Variants in LPAR1 observed in about 807,000 individuals in gnomAD.
The protein encoded by LPAR1 is lysophosphatidic acid receptor 1.
In LPAR1, 5 loss-of-function variants were observed where a neutral mutation model predicts 23.8. The observed-to-expected ratio is 0.21, with a 90% CI of 0.11 to 0.44. The LOEUF (loss-of-function observed/expected upper bound fraction) is 0.44, where lower values mean the gene tolerates loss of function less well. Ranked by LOEUF, LPAR1 falls within the 20% of genes least tolerant of loss-of-function variation. The pLI is 0.99. For synonymous variants in LPAR1, 160 were observed against 164.7 expected, an observed-to-expected ratio of 0.97 and a Z score of 0.22; for missense variants, 311 against 482.8, an observed-to-expected ratio of 0.64 and a Z score of 3.33.
At chr9:110,955,182 C>T (rs1375474130) in intron 4 of LPAR1, among the ~76,000 whole-genome samples, 1 of 152,086 alleles carries the variant, frequency 6.6e-6, no homozygotes, top group South Asian at 2.1e-4. Context: ...ATACTGTTAC[C>T]CACAAGAAAC....
rs1056315689 is a variant in LPAR1 at position 110,892,044 on chromosome 9, C to T, written c.794-16322G>A. On this transcript the variant is annotated intron_variant, in intron 5 of 5. Coordinates refer to ENST00000683809, the MANE Select transcript of LPAR1 (RefSeq NM_001351411.2). ...TCAGCCATTCTACTCAATATTTATC[C>T]AAGAGAAAGGAAAGAATATGTCCAC... 3.9e-4 allele frequency among the ~76,000 whole-genome samples: 59 copies of T among 152,048 alleles called. 1 individual carries two copies. The highest frequency in any genetic ancestry group is 7.2e-4 in the Non-Finnish European group (49 of 67,996).
intron 5 of LPAR1, among the ~76,000 whole-genome samples, chr9:110,886,251 C>A (rs2082346803): frequency 6.6e-6 from 1 of 151,100 alleles, no homozygotes. Context: ...GTAATCCCAG[C>A]CACTCAGGAG....
In LPAR1 at chr9:110,993,784, A is replaced by T. The variant is rs2096942561; in HGVS notation, c.-181-20226T>A. ...CCTTGGAGATATGCCTGTTCCTCAG[A>T]TTAGGGAAATACATGATGCCTTGGT... is the stretch of plus-strand genomic sequence containing the variant. On this transcript the variant is annotated intron_variant, in intron 2 of 5. Coordinates refer to ENST00000683809, the MANE Select transcript of LPAR1 (RefSeq NM_001351411.2). Among the ~76,000 whole-genome samples the T allele has an allele frequency of 3.3e-5, 5 of 152,200 alleles. No homozygotes were observed. The South Asian group carries it at 1.0e-3, about 31-fold the overall frequency.
intron 2 of LPAR1, among the ~76,000 whole-genome samples, chr9:111,012,558 T>C (rs2097353948): frequency 6.6e-6 from 1 of 152,048 alleles, no homozygotes; most frequent in South Asian, 2.1e-4. Flanking sequence ...TCTCAGTTGA[T>C]GGTAAAGCTA....
At chr9:110,982,625 T>C (rs1013820848) in intron 2 of LPAR1, among the ~76,000 whole-genome samples, 28 of 151,526 alleles carry the variant, frequency 1.8e-4, no homozygotes, top group African/African-American at 6.5e-4. Context: ...TAAAGTATAA[T>C]AATAAAAAAT....
chr9:110,912,047 GTAGA>G (rs1245328159), intron 5 of LPAR1, among the ~76,000 whole-genome samples: 3 of 152,202 alleles, frequency 2.0e-5, no homozygotes, highest in African/African-American at 7.2e-5. Flanking sequence ...GTGAAGGTAG[GTAGA>G]TAGAAGAATA....
At chr9:110,906,362 TG>T (rs1263654864) in intron 5 of LPAR1, among the ~76,000 whole-genome samples, 1 of 152,212 alleles carries the variant, frequency 6.6e-6, no homozygotes, top group African/African-American at 2.4e-5. Flanking sequence ...ATGTTGACAC[TG>T]GTGATGTTTT....
intron 2 of LPAR1, among the ~76,000 whole-genome samples, chr9:111,007,811 T>C (rs543148452): frequency 2.1e-4 from 32 of 152,302 alleles, no homozygotes; most frequent in African/African-American, 7.7e-4. Context: ...CTAACATACC[T>C]ATTGAAGACA....
intron 5 of LPAR1, among the ~76,000 whole-genome samples, chr9:110,899,148 C>T (rs1003352759): frequency 1.3e-5 from 2 of 152,126 alleles, no homozygotes; most frequent in African/African-American, 4.8e-5. Flanking sequence ...CATCAAGAAT[C>T]AGAATATAGG....
chr9:110,956,641 T>A, intron 4 of LPAR1, among the ~76,000 whole-genome samples: 1 of 150,464 alleles, frequency 6.6e-6, no homozygotes, highest in East Asian at 1.9e-4. Context: ...ATACAAAAGA[T>A]CATCAGACTA....
chr9:110,931,783 T>G (rs960352126), intron 5 of LPAR1, among the ~76,000 whole-genome samples: 8 of 152,276 alleles, frequency 5.3e-5, no homozygotes, highest in African/African-American at 1.9e-4. Context: ...TAGGGAATTG[T>G]TTCCCCATTT....
rs187779228 is a variant in LPAR1, at chr9:110,902,506, T to C, written c.794-26784A>G. Among the ~76,000 whole-genome samples, 298 of 152,228 alleles carry C rather than the reference T, an allele frequency of 2.0e-3. 1 individual carries two copies. The highest frequency in any genetic ancestry group is 6.7e-3 in the African/African-American group (277 of 41,532). ...GACGTGTTTGCTTCCCCTTCCACTA[T>C]GATTGTTAAGTTTCCTGAGGCCTTC... is the stretch of plus-strand genomic sequence containing the variant. On this transcript the variant is annotated intron_variant, in intron 5 of 5. Coordinates refer to ENST00000683809, the MANE Select transcript of LPAR1 (RefSeq NM_001351411.2).
Position 110,875,358 on chromosome 9 carries a change from G to T in LPAR1, c.*63C>A. ...CACACCCCACCTTGCCCTGGCAATT[G>T]GGTAGGGGGAGGCTGTTTATCCTCC... On this transcript the variant is annotated 3_prime_UTR_variant, in exon 6 of 6. Transcript: ENST00000683809. The T allele has an allele frequency of 7.0e-7, 1 of 1,427,176 alleles. No individual in the cohort carries two copies. The highest frequency in any genetic ancestry group is 2.4e-5 in the East Asian group (1 of 41,570). 88.4% of individuals were successfully genotyped at this position (1,427,176 alleles called of 1,614,324 possible).
intron 5 of LPAR1, among the ~76,000 whole-genome samples, chr9:110,920,366 T>C (rs1287233214): frequency 6.6e-6 from 1 of 152,260 alleles, no homozygotes; most frequent in East Asian, 1.9e-4. Context: ...TTTGGATGCA[T>C]AGTTCAAGTA....
intron 2 of LPAR1, among the ~76,000 whole-genome samples, chr9:110,976,167 T>C (rs1437363190): frequency 6.6e-6 from 1 of 151,920 alleles, no homozygotes; most frequent in Non-Finnish European, 1.5e-5. Context: ...CCCCAGACTG[T>C]CAACTAGAGA....
At chr9:110,964,531 G>A (rs1305486894) in intron 4 of LPAR1, among the ~76,000 whole-genome samples, 1 of 152,144 alleles carries the variant, frequency 6.6e-6, no homozygotes, top group African/African-American at 2.4e-5. Flanking sequence ...CCCAAAAAAG[G>A]AGCAAGTGAA....
chr9:110,889,416 G>T (rs1212371947), intron 5 of LPAR1, among the ~76,000 whole-genome samples: 1 of 151,980 alleles, frequency 6.6e-6, no homozygotes, highest in Non-Finnish European at 1.5e-5. Context: ...GAAAAGAAAA[G>T]TCAGGTAAGA....
At chr9:110,933,194 C>T (rs567192028) in intron 5 of LPAR1, among the ~76,000 whole-genome samples, 6 of 152,156 alleles carry the variant, frequency 3.9e-5, no homozygotes, top group African/African-American at 9.7e-5. Context: ...GAGTATAATT[C>T]GAGCCAACAG....
At chr9:110,977,553 T>C (rs1228315505) in intron 2 of LPAR1, among the ~76,000 whole-genome samples, 4 of 152,100 alleles carry the variant, frequency 2.6e-5, no homozygotes, top group Non-Finnish European at 5.9e-5. Flanking sequence ...TCATAATTGG[T>C]AAATTAATCT....
Sources: gnomAD v4.1 joint callset for allele counts (sites outside exome capture counted in the v4.1 genomes callset) on GRCh38, gnomAD v4.1.1 for gene constraint, MANE v1.5 for transcripts, NCBI Gene and HGNC (gene_info 2026-07-23, HGNC 2026-07-21) for gene names.